PLCH1: variants seen among roughly 807,000 people sequenced by gnomAD.
The protein encoded by PLCH1 is 1-phosphatidylinositol 4,5-bisphosphate phosphodiesterase eta-1.
A neutral mutation model predicts 126.7 loss-of-function variants in PLCH1; 60 were observed. That is an observed-to-expected ratio of 0.47 (90% confidence interval 0.38 to 0.59). The LOEUF (loss-of-function observed/expected upper bound fraction) is 0.59, where lower values mean the gene tolerates loss of function less well. Among genes scored for constraint, PLCH1 ranks in the 20% least tolerant of loss-of-function variants. PLCH1 has a pLI of 0.00. For missense variants in PLCH1, 1,723 were observed against 2,040.0 expected, an observed-to-expected ratio of 0.84 and a Z score of 2.99; for synonymous variants, 719 against 734.9, an observed-to-expected ratio of 0.98 and a Z score of 0.35.
chr3:155,607,852 G>C (rs1734555681), intron 2 of PLCH1, among the ~76,000 whole-genome samples: 1 of 152,190 alleles, frequency 6.6e-6, no homozygotes, highest in East Asian at 1.9e-4. Context: ...ACAGAGTATG[G>C]AGACTCACAC....
chr3:155,715,812 C>A (rs1157684225), intron 1 of PLCH1, among the ~76,000 whole-genome samples: 2 of 151,974 alleles, frequency 1.3e-5, no homozygotes, highest in East Asian at 3.9e-4. Flanking sequence ...ACTGTGTTGC[C>A]CAAGCTAGTC....
At chr3:155,667,753 A>C (rs928040470) in intron 2 of PLCH1, among the ~76,000 whole-genome samples, 7 of 151,768 alleles carry the variant, frequency 4.6e-5, no homozygotes, top group Non-Finnish European at 1.0e-4. Context: ...AGTAACCAAA[A>C]CTGAACCCTT....
At chr3:155,646,145 C>T (rs952600877) in intron 2 of PLCH1, among the ~76,000 whole-genome samples, 3 of 152,066 alleles carry the variant, frequency 2.0e-5, no homozygotes, top group African/African-American at 4.8e-5. Context: ...ATCAGCTAAC[C>T]CTGAGAGAGG....
chr3:155,689,329 G>A (rs531305100), intron 2 of PLCH1, among the ~76,000 whole-genome samples: 19 of 152,182 alleles, frequency 1.2e-4, no homozygotes, highest in African/African-American at 1.9e-4. Context: ...AGTTTAGACC[G>A]TGAAGACTAC....
chr3:155,590,482 G>A (rs1432796953), intron 4 of PLCH1, among the ~76,000 whole-genome samples: 5 of 151,918 alleles, frequency 3.3e-5, no homozygotes, highest in Non-Finnish European at 5.9e-5. Flanking sequence ...GGAGGCTGAG[G>A]CAGGAGAATG....
rs1257936258 is a variant in PLCH1, at chr3:155,594,168, A to G, written c.243T>C (p.Ile81=). 1 of 1,613,916 alleles carries G rather than the reference A, an allele frequency of 6.2e-7. No individual in the cohort carries two copies. The highest frequency in any genetic ancestry group is 1.1e-5 in the South Asian group (1 of 91,062). ...ACTGCCGGCCCTCAGTCACTTTGTA[A>G]ATGGAATCAATAAGTACTGTGAGGA... is the stretch of plus-strand genomic sequence containing the variant. ...SEKAKILIDS[I]YKVTEGRQSE... is the part of the protein sequence containing the mutation. Residue 81 remains isoleucine (I), a synonymous_variant, in exon 4 of 23, where the codon ATT becomes ATC. Coordinates refer to ENST00000460012, the MANE Select transcript of PLCH1 (RefSeq NM_014996.4).
chr3:155,589,911 C>A (rs767108675), intron 4 of PLCH1, among the ~76,000 whole-genome samples: 5 of 152,124 alleles, frequency 3.3e-5, no homozygotes, highest in Non-Finnish European at 7.4e-5. Flanking sequence ...ATCATCATCA[C>A]CATGTTGCAG....
chr3:155,500,645 T>C, intron 14 of PLCH1, 58 bp downstream of exon 14: 1 of 1,008,114 alleles, frequency 9.9e-7, no homozygotes, highest in Non-Finnish European at 1.6e-6. Context: ...ATGACTAAGC[T>C]GACAAGGATG....
At chr3:155,631,192 C>T (rs1220058754) in intron 2 of PLCH1, among the ~76,000 whole-genome samples, 1 of 152,106 alleles carries the variant, frequency 6.6e-6, no homozygotes, top group African/African-American at 2.4e-5. Flanking sequence ...CACAGGACCA[C>T]GGCAGTAGAC....
intron 2 of PLCH1, among the ~76,000 whole-genome samples, chr3:155,667,787 A>G (rs4680211): frequency 0.58 from 87,502 of 151,214 alleles, 27,750 homozygotes; most frequent in African/African-American, 0.83. Flanking sequence ...CACGTTGGCC[A>G]AGCGCGATGG....
intron 5 of PLCH1, among the ~76,000 whole-genome samples, chr3:155,584,631 AACAG>A (rs1360313908): frequency 1.3e-5 from 2 of 152,358 alleles, no homozygotes; most frequent in South Asian, 2.1e-4. Context: ...AGTAAACAAA[AACAG>A]ACAGGGAATG....
chr3:155,538,596 G>C (rs1327646260), intron 10 of PLCH1, among the ~76,000 whole-genome samples: 1 of 151,940 alleles, frequency 6.6e-6, no homozygotes, highest in Non-Finnish European at 1.5e-5. Flanking sequence ...AAATACAAAA[G>C]TTCATTCAAG....
chr3:155,707,663 C>CG (rs1553761691), intron 1 of PLCH1, among the ~76,000 whole-genome samples: 2 of 142,240 alleles, frequency 1.4e-5, no homozygotes, highest in African/African-American at 5.1e-5. Context: ...AACTCCATCT[C>CG]AAAAAAAAAA....
At chr3:155,679,956 T>A (rs1417361052) in intron 2 of PLCH1, among the ~76,000 whole-genome samples, 1 of 152,162 alleles carries the variant, frequency 6.6e-6, no homozygotes, top group East Asian at 1.9e-4. Context: ...CTGGAAACCA[T>A]GTCTAAAGTT....
intron 4 of PLCH1, among the ~76,000 whole-genome samples, 160 bp from the exon 5 acceptor site, chr3:155,586,354 G>GATGACAATAACA (rs770107863): frequency 2.0e-5 from 3 of 152,154 alleles, no homozygotes; most frequent in Non-Finnish European, 2.9e-5. Context: ...TACTAATAAT[G>GATGACAATAACA]ATGACAATAA....
chr3:155,464,218 T>G (rs1253313093), intron 21 of PLCH1, among the ~76,000 whole-genome samples: 1 of 152,132 alleles, frequency 6.6e-6, no homozygotes, highest in Non-Finnish European at 1.5e-5. Flanking sequence ...TCTTGAAGAA[T>G]GCATTGGGCA....
intron 6 of PLCH1, among the ~76,000 whole-genome samples, chr3:155,579,902 C>T (rs1479342744): frequency 6.6e-6 from 1 of 152,116 alleles, no homozygotes; most frequent in Non-Finnish European, 1.5e-5. Context: ...CTTTCTCTCT[C>T]TCTCTCTCTC....
intron 14 of PLCH1, among the ~76,000 whole-genome samples, chr3:155,499,203 G>T (rs1178233242): frequency 1.3e-5 from 2 of 152,122 alleles, no homozygotes; most frequent in African/African-American, 2.4e-5. Flanking sequence ...TTGGCCATTT[G>T]TATATCTTCT....
intron 6 of PLCH1, among the ~76,000 whole-genome samples, chr3:155,572,056 G>T (rs1577043424): frequency 6.6e-6 from 1 of 152,024 alleles, no homozygotes; most frequent in East Asian, 1.9e-4. Flanking sequence ...GACTCTAATG[G>T]TCTCTCAAGT....
Sources: allele counts gnomAD v4.1 joint callset (sites outside exome capture counted in the v4.1 genomes callset), GRCh38; gene constraint gnomAD v4.1.1; transcripts MANE v1.5; gene names NCBI Gene and HGNC (gene_info 2026-07-23, HGNC 2026-07-21).